Variants in PLCG2 observed in about 807,000 individuals in gnomAD.
PLCG2 encodes phospholipase C gamma 2, also known as 1-phosphatidylinositol 4,5-bisphosphate phosphodiesterase gamma-2.
Under a neutral mutation model 175.6 loss-of-function variants are expected in PLCG2, and 69 were observed. The observed-to-expected ratio is 0.39, with a 90% CI of 0.32 to 0.48. The LOEUF (loss-of-function observed/expected upper bound fraction) is 0.48, where lower values mean the gene tolerates loss of function less well. PLCG2 is among the 20% of genes least tolerant of loss of function. The pLI is 0.91. For synonymous variants in PLCG2, 827 were observed against 624.0 expected, an observed-to-expected ratio of 1.33 and a Z score of -4.85; for missense variants, 1,798 against 1,650.9, an observed-to-expected ratio of 1.09 and a Z score of -1.54.
chr16:81,877,271 G>A (rs542030231), intron 7 of PLCG2, among the ~76,000 whole-genome samples: 11 of 152,254 alleles, frequency 7.2e-5, no homozygotes, highest in South Asian at 2.1e-4. Flanking sequence ...TGGCTGACAC[G>A]GTGAAACCCT....
intron 2 of PLCG2, among the ~76,000 whole-genome samples, chr16:81,771,975 G>A (rs1026606441): frequency 6.6e-6 from 1 of 152,052 alleles, no homozygotes; most frequent in Non-Finnish European, 1.5e-5. Flanking sequence ...TAGAGACGGG[G>A]TTTCACCATG....
chr16:81,830,664 G>GTA (rs1037527899), intron 2 of PLCG2, among the ~76,000 whole-genome samples: 10 of 129,222 alleles, frequency 7.7e-5, no homozygotes, highest in African/African-American at 3.2e-4. Context: ...GTGTGTGTGT[G>GTA]TGTATATATA....
intron 19 of PLCG2, among the ~76,000 whole-genome samples, chr16:81,916,992 A>T (rs1909871268): frequency 6.6e-6 from 1 of 151,772 alleles, no homozygotes; most frequent in Non-Finnish European, 1.5e-5. Context: ...TCTTGCACTT[A>T]CTCCTCTTGT....
At chr16:81,777,603 C>G (rs7198995), upstream of PLCG2, among the ~76,000 whole-genome samples, 85,355 of 151,908 alleles carry the variant, frequency 0.56, 24,445 homozygotes, top group South Asian at 0.75. Context: ...ATGAGCACAG[C>G]TATACACGCC....
chr16:81,938,988 G>A (rs1275748445), intron 29 of PLCG2, 73 bp downstream of exon 29: 6 of 838,040 alleles, frequency 7.2e-6, no homozygotes, highest in Non-Finnish European at 1.2e-5. Context: ...TGCTCTTCGT[G>A]GGGGATTTTG....
chr16:81,805,933 C>G (rs762488906), intron 2 of PLCG2, among the ~76,000 whole-genome samples: 1 of 151,916 alleles, frequency 6.6e-6, no homozygotes, highest in Non-Finnish European at 1.5e-5. Flanking sequence ...AGCCACTGTA[C>G]GCAGTCATGT....
rs376675524 is a variant in PLCG2 at position 81,858,405 on chromosome 16, C to G, written c.431+49C>G. The stretch of plus-strand genomic sequence containing the variant: ...TTGCGTAGTTGCTGATTCCTTTATT[C>G]TGCTGCCTTTAGCCAACATGGGCTA... On this transcript the variant is annotated intron_variant, in intron 4 of 32. Transcript: ENST00000564138. 1,287 of 1,313,662 alleles carry G rather than the reference C, an allele frequency of 9.8e-4. 1 individual carries two copies. The highest frequency in any genetic ancestry group is 1.8e-3 in the Middle Eastern group (10 of 5,504). 81.4% of individuals were successfully genotyped at this position (1,313,662 alleles called of 1,614,324 possible). A position where few individuals can be genotyped will look rare whatever the true frequency, so the allele number is the denominator to read the frequency against.
chr16:81,905,952 G>C (rs1909351855), intron 15 of PLCG2, among the ~76,000 whole-genome samples: 1 of 152,170 alleles, frequency 6.6e-6, no homozygotes, highest in African/African-American at 2.4e-5. Flanking sequence ...AAGCTTCTAA[G>C]CCTGGCCAAC....
intron 7 of PLCG2, among the ~76,000 whole-genome samples, chr16:81,872,325 C>G (rs879780789): frequency 2.0e-5 from 3 of 152,186 alleles, no homozygotes; most frequent in Non-Finnish European, 4.4e-5. Flanking sequence ...GAGACTCCAT[C>G]TCAAAACAAA....
At chr16:81,758,611 C>G (rs892454811) in intron 2 of PLCG2, among the ~76,000 whole-genome samples, 4 of 152,200 alleles carry the variant, frequency 2.6e-5, no homozygotes, top group African/African-American at 7.2e-5. Context: ...TTACTACTCC[C>G]ACCAGCAGTG....
At chr16:81,954,679 T>C (rs1911496537) in intron 31 of PLCG2, among the ~76,000 whole-genome samples, 1 of 152,248 alleles carries the variant, frequency 6.6e-6, no homozygotes, top group Non-Finnish European at 1.5e-5. Flanking sequence ...TCATTCATTT[T>C]TGTGGCTGCA....
Position 81,803,585 on chromosome 16 carries a change from T to TC in PLCG2, c.193+17404dup, listed in dbSNP as rs1447692381. Among the ~76,000 whole-genome samples, 23 of 150,060 alleles carry TC rather than the reference T, an allele frequency of 1.5e-4. 1 individual carries two copies. Among genetic ancestry groups the TC allele is most frequent in the Admixed American group, 4.7e-4 (7 of 14,944 alleles). ...TCCTTTCCTTTCCTTTCCTTTCCTT[T>TC]CTTTTCTTTTCTCCTTTTCTTTTCT... On this transcript the variant is annotated intron_variant, in intron 2 of 32. Transcript: ENST00000564138.
At position 81,931,655 on chromosome 16, in the gene PLCG2, G is replaced by A. The variant is rs2143713771; in HGVS notation, c.2739+1G>A. 1 of 1,613,356 alleles carries A rather than the reference G, an allele frequency of 6.2e-7. No individual in the cohort carries two copies. The highest frequency in any genetic ancestry group is 1.3e-5 in the African/African-American group (1 of 75,034). On this transcript the variant is annotated splice_donor_variant, in intron 25 of 32. Transcript: ENST00000564138. LOFTEE classifies it high-confidence loss of function. ...GATCACCTGGAAGATTGACACCAAG[G>A]TAGGCACCTGCTCACCCGGGTGCAG...
upstream of PLCG2, among the ~76,000 whole-genome samples, chr16:81,779,056 G>A (rs950991384): frequency 3.0e-4 from 46 of 152,334 alleles, no homozygotes; most frequent in African/African-American, 1.1e-3. Context: ...TGGCCAAGTG[G>A]CCTCGGGCAG....
intron 2 of PLCG2, among the ~76,000 whole-genome samples, chr16:81,794,449 A>G (rs1190657689): frequency 2.6e-5 from 4 of 152,198 alleles, no homozygotes; most frequent in Admixed American, 6.5e-5. Flanking sequence ...CTCATCAGAA[A>G]TAAGACGCAA....
intron 31 of PLCG2, among the ~76,000 whole-genome samples, chr16:81,947,695 G>A (rs1445124811): frequency 6.6e-6 from 1 of 152,134 alleles, no homozygotes; most frequent in Non-Finnish European, 1.5e-5. Flanking sequence ...CACACCTTCT[G>A]AAGAAGCCAT....
chr16:81,948,586 G>A (rs1265356636), intron 31 of PLCG2, among the ~76,000 whole-genome samples: 8 of 152,190 alleles, frequency 5.3e-5, no homozygotes, highest in Non-Finnish European at 1.2e-4. Flanking sequence ...CTTTGTAGAA[G>A]ATTGCACACT....
chr16:81,784,069 A>C (rs1257608793), intron 1 of PLCG2, among the ~76,000 whole-genome samples: 1 of 152,254 alleles, frequency 6.6e-6, no homozygotes, highest in East Asian at 1.9e-4. Context: ...TTGTAACTAC[A>C]TTAGAATTCT....
At chr16:81,824,978 G>C (rs1431849002) in intron 2 of PLCG2, among the ~76,000 whole-genome samples, 1 of 152,196 alleles carries the variant, frequency 6.6e-6, no homozygotes, top group South Asian at 2.1e-4. Flanking sequence ...CAGGATTCTG[G>C]CTTTGAAGGT....
Sources: gnomAD v4.1 joint callset for allele counts (sites outside exome capture counted in the v4.1 genomes callset) on GRCh38, gnomAD v4.1.1 for gene constraint, MANE v1.5 for transcripts, NCBI Gene and HGNC (gene_info 2026-07-23, HGNC 2026-07-21) for gene names.